Variants in CR1 observed in about 807,000 individuals in gnomAD.
The protein encoded by CR1 is complement C3b/C4b receptor 1 (Knops blood group), also known as complement receptor type 1.
A neutral mutation model predicts 187.3 loss-of-function variants in CR1; 116 were observed. The ratio of observed to expected loss-of-function variants is 0.62; its 90% confidence interval spans 0.53 to 0.72. The LOEUF is 0.72. CR1 is among the 30% of genes least tolerant of loss of function. The pLI, the probability that CR1 is intolerant of heterozygous loss-of-function variation, is 0.00. For synonymous variants in CR1, 576 were observed against 747.1 expected, an observed-to-expected ratio of 0.77 and a Z score of 3.73; for missense variants, 1,731 against 2,110.7, an observed-to-expected ratio of 0.82 and a Z score of 3.52.
At chr1:207,603,954 G>A (rs1354138924) in intron 35 of CR1, among the ~76,000 whole-genome samples, 1 of 152,154 alleles carries the variant, frequency 6.6e-6, no homozygotes, top group Non-Finnish European at 1.5e-5. Context: ...TGAGTGAAAG[G>A]CTATGCACGA....
At chr1:207,498,583 A>G (rs906216444) in intron 1 of CR1, among the ~76,000 whole-genome samples, 6 of 152,248 alleles carry the variant, frequency 3.9e-5, no homozygotes, top group African/African-American at 1.4e-4. Context: ...ATGCTCAGTT[A>G]AAACAATAAA....
intron 1 of CR1, among the ~76,000 whole-genome samples, chr1:207,499,661 C>T (rs1258477453): frequency 6.6e-6 from 1 of 152,146 alleles, no homozygotes. Flanking sequence ...CTTTACCAGG[C>T]AGTGTTTAAT....
intron 37 of CR1, among the ~76,000 whole-genome samples, 182 bp downstream of exon 37, chr1:207,609,870 T>C (rs1661870587): frequency 6.6e-6 from 1 of 152,252 alleles, no homozygotes; most frequent in African/African-American, 2.4e-5. Context: ...TCATCTATAG[T>C]AGACATATTT....
intron 1 of CR1, among the ~76,000 whole-genome samples, chr1:207,500,868 G>A (rs1388511103): frequency 6.6e-6 from 1 of 152,080 alleles, no homozygotes; most frequent in Non-Finnish European, 1.5e-5. Context: ...CAATCCAAAT[G>A]TCCCTCAACA....
chr1:207,578,009 A>G lies in CR1; in HGVS notation c.4742A>G (p.Gln1581Arg). 1 of 1,611,832 alleles carries G rather than the reference A, an allele frequency of 6.2e-7. No homozygotes were observed. Among genetic ancestry groups the G allele is most frequent in the Non-Finnish European group, 8.5e-7 (1 of 1,179,714 alleles). ...GGCATCTGGAGCGGCCCCGCCCCTCAGTGCATTATACCTAACAAATGCACG... is the reference window on the plus strand; with the variant it reads ...GGCATCTGGAGCGGCCCCGCCCCTCGGTGCATTATACCTAACAAATGCACG... ...QVGIWSGPAPQCIIPNKCTPP... is the reference protein window; with the variant it reads ...QVGIWSGPAPRCIIPNKCTPP... Residue 1581 changes from glutamine to arginine, a missense_variant, in exon 29 of 47, where the codon CAG becomes CGG. Gln to Arg is a conservative substitution (Grantham distance 43). Transcript: ENST00000367049.
In CR1 at chr1:207,611,320, G is replaced by C. The variant is rs114721525; in HGVS notation, c.6296-357G>C. ...TACTCCTTGCTGTTGCCTTACGCAT[G>C]AGCTTGAGGGACTGCCTCTGTAGGA... On this transcript the variant is annotated intron_variant, in intron 37 of 46. Transcript: ENST00000367049. Among the ~76,000 whole-genome samples, 963 of 152,324 alleles carry C rather than the reference G, an allele frequency of 6.3e-3. 16 individuals are homozygous for C. Among genetic ancestry groups the C allele is most frequent in the African/African-American group, 0.022 (908 of 41,570 alleles).
Position 207,526,097 on chromosome 1 carries a change from C to T in CR1, c.887-656C>T, listed in dbSNP as rs1266046664. Among the ~76,000 whole-genome samples, 8 of 152,058 alleles carry T rather than the reference C, an allele frequency of 5.3e-5. 1 individual carries two copies. Among genetic ancestry groups the T allele is most frequent in the South Asian group, 2.1e-4 (1 of 4,836 alleles). On this transcript the variant is annotated intron_variant, in intron 5 of 46. Coordinates refer to ENST00000367049, the MANE Select transcript of CR1 (RefSeq NM_000651.6). ...ATGTTGCGTAAATATACACTCTCAT[C>T]ATGGTGACAGTAGGTCTTTCAGATT...
chr1:207,638,700 G>C (rs1662889951), intron 46 of CR1, among the ~76,000 whole-genome samples: 1 of 152,182 alleles, frequency 6.6e-6, no homozygotes, highest in Non-Finnish European at 1.5e-5. Context: ...GGCACTCCAA[G>C]GAATTGAAGA....
At chr1:207,596,601 C>G (rs915917309) in intron 35 of CR1, among the ~76,000 whole-genome samples, 8 of 151,558 alleles carry the variant, frequency 5.3e-5, no homozygotes, top group African/African-American at 1.5e-4. Flanking sequence ...GCAACAAGAG[C>G]GAAACTCTGT....
intron 42 of CR1, among the ~76,000 whole-genome samples, chr1:207,619,381 AAAAAAAAAAAAAAG>A (rs984591755): frequency 5.3e-5 from 8 of 151,220 alleles, no homozygotes; most frequent in African/African-American, 1.7e-4. Flanking sequence ...AGACTCAAAA[AAAAAAAAAAAAAAG>A]AAAAAGAAAA....
rs1341300938 is a variant in CR1, at chr1:207,564,253, G to C, written c.3866+19G>C. 6.4e-6 allele frequency: 10 copies of C among 1,558,006 alleles called. No homozygotes were observed. Among genetic ancestry groups the C allele is most frequent in the Non-Finnish European group, 7.8e-6 (9 of 1,160,448 alleles). ...ATGAAGGGTGAGTATGAGCTTGCCT[G>C]ACCTGCTGGACATTGAAATTGGGGT... On this transcript the variant is annotated intron_variant, in intron 23 of 46. Coordinates refer to ENST00000367049, the MANE Select transcript of CR1 (RefSeq NM_000651.6).
chr1:207,595,413 C>T (rs1353789586), intron 35 of CR1, among the ~76,000 whole-genome samples: 4 of 152,048 alleles, frequency 2.6e-5, no homozygotes, highest in Non-Finnish European at 1.5e-5. Flanking sequence ...AGATTAACAA[C>T]AATGGGCCCC....
intron 1 of CR1, among the ~76,000 whole-genome samples, chr1:207,501,690 A>G (rs1051654212): frequency 5.9e-5 from 9 of 152,212 alleles, no homozygotes; most frequent in African/African-American, 1.7e-4. Flanking sequence ...GGTTCATTCA[A>G]TTTGCTTTGT....
In CR1 at chr1:207,617,409, C is replaced by G. The variant is rs1165509382; in HGVS notation, c.6889+607C>G. ...AATTGTACTCTTAGCCTAATGGGTG[C>G]AGCAAACCAATATGGCACATGTATA... On this transcript the variant is annotated intron_variant, in intron 41 of 46. Transcript: ENST00000367049. 2.7e-5 allele frequency among the ~76,000 whole-genome samples: 4 copies of G among 146,358 alleles called. 1 individual carries two copies. The highest frequency in any genetic ancestry group is 1.0e-4 in the African/African-American group (4 of 39,672).
At position 207,609,412 on chromosome 1, in the gene CR1, C is replaced by T. The variant is rs776618730; in HGVS notation, c.6019C>T (p.Leu2007=). ...QCHTGPDGEQ[L]FELVGERSIY... is the part of the protein sequence containing the mutation. Reference sequence around the variant, plus strand: ...CCACACTGGACCAGATGGAGAACAGCTGTTTGAGCTTGTGGGAGAACGGTC... The same window carrying T: ...CCACACTGGACCAGATGGAGAACAGTTGTTTGAGCTTGTGGGAGAACGGTC... The change falls in exon 37 of 47, where the codon CTG becomes TTG. Residue 2007 remains leucine, a synonymous_variant. Transcript: ENST00000367049. 7.4e-6 allele frequency: 12 copies of T among 1,613,958 alleles called. No individual in the cohort carries two copies. Among genetic ancestry groups the T allele is most frequent in the Non-Finnish European group, 1.0e-5 (12 of 1,179,884 alleles).
At chr1:207,505,590 C>A (rs1018284936) in intron 1 of CR1, among the ~76,000 whole-genome samples, 2 of 152,088 alleles carry the variant, frequency 1.3e-5, no homozygotes, top group African/African-American at 2.4e-5. Context: ...AATCCCAACA[C>A]TTTGGGAGGC....
Position 207,577,897 on chromosome 1 carries a change from C to A in CR1, c.4630C>A (p.Arg1544Ser). The A allele has an allele frequency of 1.9e-6, 3 of 1,613,324 alleles. 1 individual carries two copies. Among genetic ancestry groups the A allele is most frequent in the African/African-American group, 2.7e-5 (2 of 74,976 alleles). Residue 1544 changes from arginine to serine, a missense_variant, in exon 29 of 47, where the codon CGC becomes AGC. Arg to Ser is a moderately radical substitution (Grantham distance 110, BLOSUM62 -1). This residue lies in a region of CR1 where 1,312 missense variants were observed against 1,379.6 expected (regional missense o/e 0.95). Coordinates refer to ENST00000367049, the MANE Select transcript of CR1 (RefSeq NM_000651.6). ...NFHYGSVVTY[R>S]CNLGSRGRKV... The stretch of plus-strand genomic sequence containing the variant: ...TCACTATGGATCAGTGGTGACCTAC[C>A]GCTGCAATCTTGGAAGCAGAGGGAG...
At chr1:207,621,139 G>A (rs1662303526) in intron 43 of CR1, among the ~76,000 whole-genome samples, 1 of 152,082 alleles carries the variant, frequency 6.6e-6, no homozygotes, top group African/African-American at 2.4e-5. Context: ...GCTGGTCGTG[G>A]TGGCAGATGC....
chr1:207,588,371 A>T (rs892018387), intron 34 of CR1, among the ~76,000 whole-genome samples: 1 of 152,142 alleles, frequency 6.6e-6, no homozygotes, highest in Non-Finnish European at 1.5e-5. Context: ...GGGTTTTGCC[A>T]CGTTGGCCAG....
Sources: gnomAD v4.1 joint callset for allele counts (sites outside exome capture counted in the v4.1 genomes callset) on GRCh38, gnomAD v4.1.1 for gene constraint, gnomAD v4.1.1 regional missense constraint, MANE v1.5 for transcripts, NCBI Gene and HGNC (gene_info 2026-07-23, HGNC 2026-07-21) for gene names.